The following GPC6 variants were observed in gnomAD, a reference collection of about 807,000 sequenced individuals.
GPC6 encodes the protein glypican 6.
GPC6 carries 14 observed loss-of-function variants against 55.2 expected under a neutral mutation model. The ratio of observed to expected loss-of-function variants is 0.25; its 90% confidence interval spans 0.17 to 0.40. GPC6 has a LOEUF of 0.40. Among genes scored for constraint, GPC6 ranks in the 10% least tolerant of loss-of-function variants. The probability of loss-of-function intolerance (pLI) is 1.00; values close to 1 mark genes in which losing one functional copy is unlikely to be tolerated. For missense variants in GPC6, 641 were observed against 708.5 expected, an observed-to-expected ratio of 0.90 and a Z score of 1.08; for synonymous variants, 278 against 259.6, an observed-to-expected ratio of 1.07 and a Z score of -0.68.
chr13:93,287,278 T>G (rs539025271), intron 1 of GPC6, among the ~76,000 whole-genome samples: 1 of 152,300 alleles, frequency 6.6e-6, no homozygotes, highest in Non-Finnish European at 1.5e-5. Context: ...CTAGATCATT[T>G]AAAAAGTCGC....
chr13:94,034,074 CT>C (rs1389910625), intron 4 of GPC6, among the ~76,000 whole-genome samples: 1 of 152,104 alleles, frequency 6.6e-6, no homozygotes, highest in East Asian at 1.9e-4. Flanking sequence ...AACCCTCTGT[CT>C]TTCTTTTACA....
chr13:93,489,640 A>G (rs1447702096), intron 1 of GPC6, among the ~76,000 whole-genome samples: 1 of 151,444 alleles, frequency 6.6e-6, no homozygotes, highest in Non-Finnish European at 1.5e-5. Context: ...GTCCTCTTTT[A>G]TTTTGTTGAG....
intron 5 of GPC6, among the ~76,000 whole-genome samples, chr13:94,290,303 C>T (rs1270706076): frequency 6.6e-6 from 1 of 151,640 alleles, no homozygotes; most frequent in African/African-American, 2.4e-5. Context: ...AGCCTGTAGT[C>T]CCAGCTTCTT....
At chr13:94,057,568 A>C (rs1884173610) in intron 4 of GPC6, among the ~76,000 whole-genome samples, 1 of 152,180 alleles carries the variant, frequency 6.6e-6, no homozygotes, top group Middle Eastern at 3.2e-3. Context: ...ACTATGCTTT[A>C]TTGTTCTCCA....
chr13:93,867,776 C>T (rs572328472), intron 3 of GPC6, among the ~76,000 whole-genome samples: 34 of 151,824 alleles, frequency 2.2e-4, no homozygotes, highest in Admixed American at 9.2e-4. Context: ...TTTTAGTGTA[C>T]ACTCACCATC....
At chr13:94,153,413 A>G (rs1216710353) in intron 4 of GPC6, among the ~76,000 whole-genome samples, 1 of 152,198 alleles carries the variant, frequency 6.6e-6, no homozygotes, top group East Asian at 1.9e-4. Context: ...GGAATCTTGT[A>G]GGTAAACACA....
intron 4 of GPC6, among the ~76,000 whole-genome samples, chr13:94,141,033 A>G (rs1032205281): frequency 2.6e-5 from 4 of 152,218 alleles, no homozygotes; most frequent in Non-Finnish European, 5.9e-5. Flanking sequence ...ATATGTAAAG[A>G]GGCTTATTCT....
intron 4 of GPC6, among the ~76,000 whole-genome samples, chr13:94,110,245 T>C (rs908137264): frequency 2.6e-5 from 4 of 151,810 alleles, no homozygotes; most frequent in Non-Finnish European, 5.9e-5. Flanking sequence ...GTGAAATCAT[T>C]GTCAAGGAGT....
chr13:93,508,858 A>G (rs981793765), intron 1 of GPC6, among the ~76,000 whole-genome samples: 2 of 152,158 alleles, frequency 1.3e-5, no homozygotes, highest in African/African-American at 4.8e-5. Context: ...CTGTAAAGTG[A>G]AAAGACTGGC....
rs1419465547 is a variant in GPC6 at position 93,345,656 on chromosome 13, C to T, written c.160+118040C>T. Among the ~76,000 whole-genome samples, 6 of 152,202 alleles carry T rather than the reference C, an allele frequency of 3.9e-5. No individual in the cohort carries two copies. The East Asian group carries it at 5.8e-4, about 15-fold the overall frequency. On this transcript the variant is annotated intron_variant, in intron 1 of 8. Transcript: ENST00000377047. The stretch of plus-strand genomic sequence containing the variant: ...TTCATACACCCACACAAAAATAAAA[C>T]CCCAATGAATGCATAATGCATGCAA...
chr13:94,205,691 A>G (rs1214469004), intron 4 of GPC6, among the ~76,000 whole-genome samples: 1 of 152,230 alleles, frequency 6.6e-6, no homozygotes, highest in Non-Finnish European at 1.5e-5. Context: ...TCTCATCTTA[A>G]GTTTGCCATT....
At chr13:93,313,700 G>A (rs1384866741) in intron 1 of GPC6, among the ~76,000 whole-genome samples, 5 of 151,848 alleles carry the variant, frequency 3.3e-5, no homozygotes, top group African/African-American at 9.7e-5. Flanking sequence ...ATGTTGCCCA[G>A]GCTGGAGTAC....
At position 94,050,226 on chromosome 13, in the gene GPC6, G is replaced by A. The variant is rs552306105; in HGVS notation, c.877+22332G>A. Among the ~76,000 whole-genome samples, 7 of 152,260 alleles carry A rather than the reference G, an allele frequency of 4.6e-5. No individual in the cohort carries two copies. In the East Asian group the frequency reaches 7.7e-4, roughly 17 times the overall value. ...TATTCTCAGCAGCAATTCCTGGAACGTAATAGATGCTGTGTAAATATTTGT... is the reference window on the plus strand; with the variant it reads ...TATTCTCAGCAGCAATTCCTGGAACATAATAGATGCTGTGTAAATATTTGT... On this transcript the variant is annotated intron_variant, in intron 4 of 8. Transcript: ENST00000377047.
At chr13:93,667,748 T>TTTTTTTTTTTTTTC (rs1555322121) in intron 2 of GPC6, among the ~76,000 whole-genome samples, 6 of 151,328 alleles carry the variant, frequency 4.0e-5, no homozygotes, top group African/African-American at 1.5e-4. Context: ...TTTTTTTTTT[T>TTTTTTTTTTTTTTC]CTGTCAAATT....
At chr13:94,382,364 G>C in intron 6 of GPC6, 50 bp from the exon 7 acceptor site, 2 of 1,606,976 alleles carry the variant, frequency 1.2e-6, no homozygotes, top group Non-Finnish European at 1.7e-6. Flanking sequence ...TGTAGAAATG[G>C]GGAAAGCCTG....
intron 3 of GPC6, among the ~76,000 whole-genome samples, chr13:93,925,771 G>A (rs1377143512): frequency 1.3e-5 from 2 of 152,186 alleles, no homozygotes; most frequent in East Asian, 1.9e-4. Flanking sequence ...TGGCTTGAAT[G>A]TCTGGGGATG....
At chr13:93,901,112 C>A (rs79136958) in intron 3 of GPC6, among the ~76,000 whole-genome samples, 3 of 152,054 alleles carry the variant, frequency 2.0e-5, no homozygotes, top group East Asian at 3.9e-4. Context: ...GTTTTAAAAA[C>A]GATGATCAAT....
At position 94,405,621 on chromosome 13, in the gene GPC6, T is replaced by C. The variant is rs1369663906; in HGVS notation, c.*2404T>C. 1.3e-5 allele frequency: 2 copies of C among 152,192 alleles called. No homozygotes were observed. The highest frequency in any genetic ancestry group is 4.8e-5 in the African/African-American group (2 of 41,440). The allele number at this position is 152,192 out of a possible 1,614,324, so 9.4% of individuals were successfully genotyped here. Reference sequence around the variant, plus strand: ...TGTGTATGAATACACATAATATTAGTGAATGTGAACCCATGTTCTATACGC... The same window carrying C: ...TGTGTATGAATACACATAATATTAGCGAATGTGAACCCATGTTCTATACGC... On this transcript the variant is annotated 3_prime_UTR_variant, in exon 9 of 9. Coordinates refer to ENST00000377047, the MANE Select transcript of GPC6 (RefSeq NM_005708.5).
chr13:93,851,286 G>A (rs1042844919), intron 3 of GPC6, among the ~76,000 whole-genome samples: 1 of 151,808 alleles, frequency 6.6e-6, no homozygotes, highest in African/African-American at 2.4e-5. Context: ...TTTAATTTTG[G>A]CACTCATGAT....
Sources: gnomAD v4.1 joint callset for allele counts (sites outside exome capture counted in the v4.1 genomes callset) on GRCh38, gnomAD v4.1.1 for gene constraint, MANE v1.5 for transcripts, NCBI Gene and HGNC (gene_info 2026-07-23, HGNC 2026-07-21) for gene names.